HECW1: variants seen among roughly 807,000 people sequenced by gnomAD.
HECW1 encodes HECT, C2 and WW domain containing E3 ubiquitin protein ligase 1.
Under a neutral mutation model 182.3 loss-of-function variants are expected in HECW1, and 61 were observed. The observed-to-expected ratio is 0.33, with a 90% confidence interval of 0.27 to 0.41. The LOEUF is 0.41. Among genes scored for constraint, HECW1 ranks in the 10% least tolerant of loss-of-function variants. The pLI, the probability that HECW1 is intolerant of heterozygous loss-of-function variation, is 1.00. For missense variants in HECW1, 1,739 were observed against 2,108.9 expected (o/e 0.82, Z 3.44); for synonymous variants, 859 against 832.6 (o/e 1.03, Z -0.55).
At chr7:43,316,568 A>C (rs1220849185) in intron 4 of HECW1, among the ~76,000 whole-genome samples, 1 of 152,078 alleles carries the variant, frequency 6.6e-6, no homozygotes, top group Non-Finnish European at 1.5e-5. Flanking sequence ...AAACTGCCTA[A>C]GATCACATAA....
chr7:43,292,044 G>A (rs545422235), intron 3 of HECW1, among the ~76,000 whole-genome samples: 1 of 152,332 alleles, frequency 6.6e-6, no homozygotes, highest in East Asian at 1.9e-4. Flanking sequence ...GGCTGAGAGA[G>A]AGAAACTCTT....
At position 43,407,610 on chromosome 7, in the gene HECW1, C is replaced by T. The variant is rs2152844988; in HGVS notation, c.680C>T (p.Pro227Leu). The T allele has an allele frequency of 2.5e-6, 4 of 1,613,910 alleles. No individual in the cohort carries two copies. Among genetic ancestry groups the T allele is most frequent in the Non-Finnish European group, 3.4e-6 (4 of 1,179,814 alleles). ...LKKGMFFNPD[P>L]YLKISIQPGK... ...AAAGGGATGTTTTTCAACCCAGACC[C>T]TTATCTGAAGATTTCCATTCAGCCT... Residue 227 changes from proline to leucine, a missense_variant, in exon 8 of 30, where the codon CCT (proline) becomes CTT (leucine). By Grantham distance (98) the Pro-to-Leu change is moderately conservative. Transcript: ENST00000395891.
At chr7:43,351,979 T>C (rs965478602) in intron 5 of HECW1, among the ~76,000 whole-genome samples, 1 of 152,210 alleles carries the variant, frequency 6.6e-6, no homozygotes, top group Non-Finnish European at 1.5e-5. Flanking sequence ...AGAGCTTTCC[T>C]TTTTGACAGG....
intron 25 of HECW1, 25 bp downstream of exon 25, chr7:43,541,286 C>G: frequency 6.4e-7 from 1 of 1,559,966 alleles, no homozygotes; most frequent in Non-Finnish European, 8.8e-7. Context: ...GACCATGCTT[C>G]CAACCCAGCC....
At position 43,324,261 on chromosome 7, in the gene HECW1, T is replaced by C. The variant is rs200442825; in HGVS notation, c.460+3519T>C. 1.1e-4 allele frequency among the ~76,000 whole-genome samples: 16 copies of C among 152,300 alleles called. No homozygotes were observed. The East Asian group carries it at 2.9e-3, about 27-fold the overall frequency. ...AATATATCAAACTAATGTAGTATAA[T>C]TTGTCAAAAAGTAAAAATTTATTGA... On this transcript the variant is annotated intron_variant, in intron 5 of 29. Transcript: ENST00000395891.
At position 43,226,676 on chromosome 7, in the gene HECW1, G is replaced by A. The variant is rs76443536; in HGVS notation, c.-31-17199G>A. On this transcript the variant is annotated intron_variant, in intron 2 of 29. Transcript: ENST00000395891. ...ACTGGACATGCAGGAGATGGGTGAG[G>A]AAAGAGCCTGTGAGGGGAAAAGGCC... is the stretch of plus-strand genomic sequence containing the variant. Among the ~76,000 whole-genome samples the A allele has an allele frequency of 1.9e-3, 283 of 152,340 alleles. 8 individuals are homozygous for A. The East Asian group carries it at 0.049, about 27-fold the overall frequency.
chr7:43,449,193 G>A (rs1038826819), intron 11 of HECW1, among the ~76,000 whole-genome samples: 5 of 152,148 alleles, frequency 3.3e-5, no homozygotes, highest in African/African-American at 1.2e-4. Context: ...CTATACCATG[G>A]TTTTGTTTAA....
rs547536393 is a variant in HECW1 at position 43,562,089 on chromosome 7, G to A, written c.*163G>A. ...TGACAAAAGCTGTGCATGAAGAACT[G>A]CCTTCTTCTAAGATCTAACCTTCAG... On this transcript the variant is annotated 3_prime_UTR_variant, in exon 30 of 30. Transcript: ENST00000395891. 119 of 589,586 alleles carry A rather than the reference G, an allele frequency of 2.0e-4. 1 individual carries two copies. In the South Asian group the frequency reaches 2.4e-3, roughly 12 times the overall value. 36.5% of individuals were successfully genotyped at this position (589,586 alleles called of 1,614,324 possible).
intron 5 of HECW1, among the ~76,000 whole-genome samples, chr7:43,336,124 T>TCTCTCTCTC (rs1812181848): frequency 1.4e-4 from 9 of 64,296 alleles, no homozygotes; most frequent in African/African-American, 5.8e-4. Flanking sequence ...CTTTCTTTCT[T>TCTCTCTCTC]TCTCTCTCTC....
At chr7:43,417,944 A>G (rs1019136017) in intron 8 of HECW1, among the ~76,000 whole-genome samples, 3 of 152,182 alleles carry the variant, frequency 2.0e-5, no homozygotes, top group African/African-American at 7.2e-5. Context: ...AAAACTACAA[A>G]AATATATTGT....
intron 29 of HECW1, among the ~76,000 whole-genome samples, chr7:43,556,535 A>G (rs964917992): frequency 6.6e-6 from 1 of 152,122 alleles, no homozygotes; most frequent in African/African-American, 2.4e-5. Flanking sequence ...AAAAATTTAA[A>G]AAATTAGCTG....
intron 24 of HECW1, among the ~76,000 whole-genome samples, chr7:43,526,211 T>C (rs890449607): frequency 1.3e-5 from 2 of 152,242 alleles, no homozygotes; most frequent in African/African-American, 4.8e-5. Context: ...GGCAACTTGA[T>C]GTTGTCAGAG....
At chr7:43,293,193 C>T (rs1805618416) in intron 3 of HECW1, among the ~76,000 whole-genome samples, 1 of 132,914 alleles carries the variant, frequency 7.5e-6, no homozygotes, top group Admixed American at 8.6e-5. Flanking sequence ...GCGCTCCAGC[C>T]TGGGCGACAC....
chr7:43,186,231 T>C (rs1793383705), intron 2 of HECW1, among the ~76,000 whole-genome samples: 1 of 152,252 alleles, frequency 6.6e-6, no homozygotes. Context: ...AAAACATAGC[T>C]CTAGCAGTTT....
intron 8 of HECW1, among the ~76,000 whole-genome samples, chr7:43,420,275 G>A (rs1190103817): frequency 6.6e-6 from 1 of 152,188 alleles, no homozygotes; most frequent in Non-Finnish European, 1.5e-5. Context: ...AGTCTTTGAA[G>A]AGGAACCTCT....
At chr7:43,262,011 A>G (rs1345159688) in intron 3 of HECW1, among the ~76,000 whole-genome samples, 2 of 152,170 alleles carry the variant, frequency 1.3e-5, no homozygotes, top group African/African-American at 4.8e-5. Flanking sequence ...ACTTGAGACC[A>G]GGAGTTCAAG....
In HECW1 at chr7:43,416,511, G is replaced by A. The variant is rs1173195653; in HGVS notation, c.801+8780G>A. On this transcript the variant is annotated intron_variant, in intron 8 of 29. Transcript: ENST00000395891. ...GTCTGTGACCTGCCCCCAGAGGTGG[G>A]GCCTACAGTGGCAGGCAGGCCTCCT... Among the ~76,000 whole-genome samples the A allele has an allele frequency of 3.3e-3, 495 of 152,074 alleles. 2 individuals carry two copies. Among genetic ancestry groups the A allele is most frequent in the African/African-American group, 0.011 (472 of 41,424 alleles).
chr7:43,197,030 C>A (rs917475886), intron 2 of HECW1, among the ~76,000 whole-genome samples: 3 of 151,954 alleles, frequency 2.0e-5, no homozygotes, highest in Non-Finnish European at 4.4e-5. Flanking sequence ...CAAATGCATT[C>A]ATATTATCCA....
At chr7:43,161,860 C>T (rs533920186) in intron 2 of HECW1, 6 of 152,364 alleles carry the variant, frequency 3.9e-5, no homozygotes, top group Admixed American at 3.9e-4. Context: ...TTGTGTGTAT[C>T]TGTGTCCTCT....
Sources: allele counts gnomAD v4.1 joint callset (sites outside exome capture counted in the v4.1 genomes callset), GRCh38; gene constraint gnomAD v4.1.1; transcripts MANE v1.5; gene names NCBI Gene and HGNC (gene_info 2026-07-23, HGNC 2026-07-21).